HOOK3: variants seen among roughly 807,000 people sequenced by gnomAD.
The protein encoded by HOOK3 is protein Hook homolog 3.
A neutral mutation model predicts 116.3 loss-of-function variants in HOOK3; 24 were observed. The observed-to-expected ratio is 0.21, with a 90% CI of 0.15 to 0.29. HOOK3 has a LOEUF of 0.29. Among genes scored for constraint, HOOK3 ranks in the 10% least tolerant of loss-of-function variants. The probability of loss-of-function intolerance (pLI) is 1.00; values close to 1 mark genes in which losing one functional copy is unlikely to be tolerated. For missense variants in HOOK3, 632 were observed against 830.2 expected (o/e 0.76, Z 2.93); for synonymous variants, 275 against 283.0 (o/e 0.97, Z 0.28).
intron 15 of HOOK3, among the ~76,000 whole-genome samples, chr8:42,987,799 T>C (rs1809075851): frequency 6.6e-6 from 1 of 152,242 alleles, no homozygotes; most frequent in Non-Finnish European, 1.5e-5. Flanking sequence ...TTTTTGGAAA[T>C]GTTTCTTAGA....
intron 5 of HOOK3, among the ~76,000 whole-genome samples, chr8:42,948,129 G>C (rs1808270017): frequency 6.6e-6 from 1 of 152,098 alleles, no homozygotes; most frequent in Admixed American, 6.5e-5. Flanking sequence ...TACAGACTAG[G>C]AAGCTGGGAC....
chr8:42,919,209 G>C (rs1478424295), intron 2 of HOOK3, among the ~76,000 whole-genome samples: 1 of 148,564 alleles, frequency 6.7e-6, no homozygotes, highest in Middle Eastern at 4.1e-3. Context: ...GGGCAGAGGG[G>C]CTCCTCACTT....
At chr8:42,989,763 C>T (rs1162763449) in intron 15 of HOOK3, among the ~76,000 whole-genome samples, 1 of 152,122 alleles carries the variant, frequency 6.6e-6, no homozygotes, top group Non-Finnish European at 1.5e-5. Context: ...CTCTGGTAAC[C>T]ATCCCATCTA....
chr8:43,005,251 C>G lies in HOOK3; in HGVS notation c.1656-2596C>G, dbSNP rs543341728. ...TTTTTTTTTTTTTGAGACGGAGTCT[C>G]GCTCTGTCCCCCAGGCTGGAGTGCA... On this transcript the variant is annotated intron_variant, in intron 17 of 21. Transcript: ENST00000307602. Among the ~76,000 whole-genome samples, 152 of 120,220 alleles carry G rather than the reference C, an allele frequency of 1.3e-3. 3 individuals are homozygous for G. In the South Asian group the frequency reaches 0.04, roughly 31 times the overall value. 78.9% of individuals were successfully genotyped at this position (120,220 alleles called of 152,430 possible).
Position 43,006,349 on chromosome 8 carries a change from C to G in HOOK3, c.1656-1498C>G, listed in dbSNP as rs1281898591. The stretch of plus-strand genomic sequence containing the variant: ...TATTTTTTTGAGACGGAGTCTCACT[C>G]TGTTGCCCAGGCTGGAGTGCAGTGG... On this transcript the variant is annotated intron_variant, in intron 17 of 21. Coordinates refer to ENST00000307602, the MANE Select transcript of HOOK3 (RefSeq NM_032410.4). Among the ~76,000 whole-genome samples the G allele has an allele frequency of 2.6e-5, 4 of 151,902 alleles. No homozygotes were observed. The East Asian group carries it at 7.7e-4, about 29-fold the overall frequency.
chr8:42,980,837 T>C (rs540435755), intron 13 of HOOK3, among the ~76,000 whole-genome samples: 1 of 151,798 alleles, frequency 6.6e-6, no homozygotes, highest in Admixed American at 6.6e-5. Context: ...TGAGCCGAGA[T>C]CGCGCCACTG....
At chr8:42,925,843 A>G (rs1807755318) in intron 3 of HOOK3, among the ~76,000 whole-genome samples, 1 of 152,244 alleles carries the variant, frequency 6.6e-6, no homozygotes. Flanking sequence ...GCATGGAGCC[A>G]GTGTGCCTGT....
chr8:43,015,384 G>T (rs1809693184), intron 21 of HOOK3, among the ~76,000 whole-genome samples: 1 of 151,988 alleles, frequency 6.6e-6, no homozygotes. Context: ...TTAGCAGGTT[G>T]TGGTGGCGGG....
chr8:42,935,134 A>C (rs1214134548), intron 4 of HOOK3, among the ~76,000 whole-genome samples: 1 of 152,110 alleles, frequency 6.6e-6, no homozygotes, highest in Non-Finnish European at 1.5e-5. Context: ...GCATTTCTCT[A>C]ATGACCAATG....
In HOOK3 at chr8:42,943,393, AAGGATG is replaced by A; in HGVS notation, c.349_354del (p.Arg117_Met118del). On this transcript the variant is annotated inframe_deletion, in exon 5 of 22. Coordinates refer to ENST00000307602, the MANE Select transcript of HOOK3 (RefSeq NM_032410.4). ...AGCATTCTGATGCAGCAGAGCTTGG[AAGGATG>A]CTTCAGCTCATCTTAGGCTGTGCTG... 6.4e-7 allele frequency: 1 copy of A among 1,571,746 alleles called. No individual in the cohort carries two copies. The highest frequency in any genetic ancestry group is 1.2e-5 in the South Asian group (1 of 80,980).
At position 43,030,326 on chromosome 8, in the gene HOOK3, A is replaced by G. The variant is rs1300113762; in HGVS notation, c.*11828A>G. 1 of 184,360 alleles carries G rather than the reference A, an allele frequency of 5.4e-6. No individual in the cohort carries two copies. The highest frequency in any genetic ancestry group is 1.1e-5 in the Non-Finnish European group (1 of 86,964). 11.4% of individuals were successfully genotyped at this position (184,360 alleles called of 1,614,324 possible). On this transcript the variant is annotated 3_prime_UTR_variant, in exon 22 of 22. Coordinates refer to ENST00000307602, the MANE Select transcript of HOOK3 (RefSeq NM_032410.4). ...CTTGTATTTCCTTTTGATATCATTT[A>G]CTCATTTTAATTTTACGACTGCCAA... is the stretch of plus-strand genomic sequence containing the variant.
chr8:42,911,785 C>G (rs549017624), intron 2 of HOOK3, among the ~76,000 whole-genome samples: 3 of 152,004 alleles, frequency 2.0e-5, no homozygotes, highest in Admixed American at 2.0e-4. Flanking sequence ...CAGTATCCAC[C>G]GAAGAGAGTA....
At chr8:42,934,566 C>T (rs1377154475) in intron 4 of HOOK3, among the ~76,000 whole-genome samples, 1 of 151,994 alleles carries the variant, frequency 6.6e-6, no homozygotes, top group African/African-American at 2.4e-5. Flanking sequence ...GCACCAGGCC[C>T]CAGTGGGTGA....
At position 42,978,335 on chromosome 8, in the gene HOOK3, C is replaced by T. The variant is rs1453555090; in HGVS notation, c.1321+4141C>T. The stretch of plus-strand genomic sequence containing the variant: ...TCGGCCTTGCTGCAACCTCTGCCTA[C>T]CGGGTTCAAGTGATTCTCTTGCCTC... On this transcript the variant is annotated intron_variant, in intron 13 of 21. Transcript: ENST00000307602. 4.6e-5 allele frequency among the ~76,000 whole-genome samples: 7 copies of T among 152,028 alleles called. No homozygotes were observed. The East Asian group carries it at 5.8e-4, about 13-fold the overall frequency.
chr8:43,018,694 T>G lies in HOOK3; in HGVS notation c.*196T>G. On this transcript the variant is annotated 3_prime_UTR_variant, in exon 22 of 22. Transcript: ENST00000307602. ...CTTTGGTTTTTATTTTGTAGTCCTTTCAGTTATTTTTAATGTGCCAAAAAT... is the reference window on the plus strand; with the variant it reads ...CTTTGGTTTTTATTTTGTAGTCCTTGCAGTTATTTTTAATGTGCCAAAAAT... 2 of 508,248 alleles carry G rather than the reference T, an allele frequency of 3.9e-6. No homozygotes were observed. Among genetic ancestry groups the G allele is most frequent in the Non-Finnish European group, 6.4e-6 (2 of 311,732 alleles). 31.5% of individuals were successfully genotyped at this position (508,248 alleles called of 1,614,324 possible).
chr8:42,913,468 T>A (rs1177886794), intron 2 of HOOK3, among the ~76,000 whole-genome samples: 1 of 152,272 alleles, frequency 6.6e-6, no homozygotes, highest in African/African-American at 2.4e-5. Context: ...TAATACTTCG[T>A]ACATTTCCCA....
intron 6 of HOOK3, among the ~76,000 whole-genome samples, chr8:42,956,476 T>C (rs1808438679): frequency 2.0e-5 from 3 of 152,168 alleles, no homozygotes; most frequent in Admixed American, 2.0e-4. Flanking sequence ...AGCATCAGAA[T>C]TTAGACCTCT....
chr8:42,897,191 A>G lies in HOOK3; in HGVS notation c.57+3A>G. 1 of 1,242,886 alleles carries G rather than the reference A, an allele frequency of 8.0e-7. No individual in the cohort carries two copies. 77.0% of individuals were successfully genotyped at this position (1,242,886 alleles called of 1,614,324 possible). On this transcript the variant is annotated splice_donor_region_variant and intron_variant, in intron 1 of 21. Transcript: ENST00000307602. ...TGTGCGAGAGCCTCCTCACTTGGGTACGTGGGGGCCGCGGGCCGGCGGGAA... is the reference window on the plus strand; with the variant it reads ...TGTGCGAGAGCCTCCTCACTTGGGTGCGTGGGGGCCGCGGGCCGGCGGGAA...
At chr8:42,954,705 A>T (rs1207633814) in intron 6 of HOOK3, among the ~76,000 whole-genome samples, 3 of 152,232 alleles carry the variant, frequency 2.0e-5, no homozygotes, top group African/African-American at 7.2e-5. Flanking sequence ...AGCACTAGGG[A>T]TACAACCATG....
Sources: allele counts gnomAD v4.1 joint callset (sites outside exome capture counted in the v4.1 genomes callset), GRCh38; gene constraint gnomAD v4.1.1; transcripts MANE v1.5; gene names NCBI Gene and HGNC (gene_info 2026-07-23, HGNC 2026-07-21).